The following NAALADL2 variants were observed in gnomAD, a reference collection of about 807,000 sequenced individuals.
NAALADL2 encodes inactive N-acetylated-alpha-linked acidic dipeptidase-like protein 2.
In NAALADL2, 76 loss-of-function variants were observed where a neutral mutation model predicts 87.2. The observed-to-expected ratio is 0.87, with a 90% CI of 0.72 to 1.05. The LOEUF (loss-of-function observed/expected upper bound fraction) is 1.05. Ranked by LOEUF, NAALADL2 falls within the 50% of genes least tolerant of loss-of-function variation. The pLI is 0.00. For synonymous variants in NAALADL2, 354 were observed against 331.0 expected, an observed-to-expected ratio of 1.07 and a Z score of -0.75; for missense variants, 1,089 against 945.8, an observed-to-expected ratio of 1.15 and a Z score of -1.99.
intron 2 of NAALADL2, among the ~76,000 whole-genome samples, chr3:174,594,194 G>T (rs1024989407): frequency 1.3e-5 from 2 of 151,904 alleles, no homozygotes; most frequent in Admixed American, 1.3e-4. Flanking sequence ...ATATACTTTG[G>T]CATAATAATA....
chr3:175,596,179 A>C (rs1157504877), intron 10 of NAALADL2, among the ~76,000 whole-genome samples: 1 of 152,078 alleles, frequency 6.6e-6, no homozygotes, highest in African/African-American at 2.4e-5. Context: ...TGTTCCAGTT[A>C]GCTGAGTTCA....
chr3:175,079,922 A>C (rs570868093), intron 1 of NAALADL2, among the ~76,000 whole-genome samples: 2 of 152,082 alleles, frequency 1.3e-5, no homozygotes, highest in Non-Finnish European at 2.9e-5. Flanking sequence ...CAAATATAAG[A>C]ATTGCCATAC....
intron 2 of NAALADL2, among the ~76,000 whole-genome samples, chr3:175,131,955 C>A (rs1368582494): frequency 1.7e-5 from 2 of 116,462 alleles, no homozygotes; most frequent in Non-Finnish European, 3.6e-5. Flanking sequence ...CGGGCAGAGG[C>A]GCCCCTCACC....
Position 175,217,498 on chromosome 3 carries a change from A to G in NAALADL2, c.546-16433A>G, listed in dbSNP as rs1049164158. On this transcript the variant is annotated intron_variant, in intron 2 of 13. Coordinates refer to ENST00000454872, the MANE Select transcript of NAALADL2 (RefSeq NM_207015.3). The stretch of plus-strand genomic sequence containing the variant: ...CATGATTTAGTTTGGAAATAGTTGC[A>G]TATATTTTTAAAGACTCTAAAAATA... Among the ~76,000 whole-genome samples the G allele has an allele frequency of 2.6e-5, 4 of 152,366 alleles. No individual in the cohort carries two copies. In the East Asian group the frequency reaches 5.8e-4, roughly 22 times the overall value.
chr3:175,304,557 T>C (rs146643039), intron 4 of NAALADL2, among the ~76,000 whole-genome samples: 43 of 152,298 alleles, frequency 2.8e-4, no homozygotes, highest in African/African-American at 9.6e-4. Context: ...TAAAGGCCTT[T>C]CCTGTGGCAG....
At chr3:174,465,406 T>C (rs1466623755) in intron 1 of NAALADL2, among the ~76,000 whole-genome samples, 1 of 152,244 alleles carries the variant, frequency 6.6e-6, no homozygotes, top group Admixed American at 6.5e-5. Context: ...TATTCACTTA[T>C]GTTTACTGAA....
chr3:174,665,010 T>G (rs1216633145), intron 2 of NAALADL2, among the ~76,000 whole-genome samples: 2 of 152,226 alleles, frequency 1.3e-5, no homozygotes, highest in Non-Finnish European at 1.5e-5. Flanking sequence ...GCTTGCTGTT[T>G]TTCATTTTCT....
chr3:175,797,406 G>A (rs1229840271), intron 13 of NAALADL2, among the ~76,000 whole-genome samples: 1 of 152,062 alleles, frequency 6.6e-6, no homozygotes, highest in Non-Finnish European at 1.5e-5. Context: ...GTGATTTATT[G>A]AATTAGATCT....
chr3:174,486,455 T>C (rs1717866007), intron 1 of NAALADL2, among the ~76,000 whole-genome samples: 1 of 152,038 alleles, frequency 6.6e-6, no homozygotes, highest in Non-Finnish European at 1.5e-5. Context: ...ATTGACCCTC[T>C]TAAAATTTGT....
chr3:174,532,441 T>C (rs1721331323), intron 1 of NAALADL2, among the ~76,000 whole-genome samples: 1 of 151,726 alleles, frequency 6.6e-6, no homozygotes, highest in Non-Finnish European at 1.5e-5. Context: ...AGGGGGAGGG[T>C]ATGGAAATTG....
intron 2 of NAALADL2, among the ~76,000 whole-genome samples, chr3:174,635,881 T>C (rs1353368276): frequency 6.6e-6 from 1 of 152,226 alleles, no homozygotes; most frequent in Non-Finnish European, 1.5e-5. Flanking sequence ...ATTGATGACA[T>C]TTTTATATGT....
At chr3:175,089,298 AC>A (rs1719640332) in intron 1 of NAALADL2, among the ~76,000 whole-genome samples, 1 of 152,120 alleles carries the variant, frequency 6.6e-6, no homozygotes, top group Non-Finnish European at 1.5e-5. Flanking sequence ...TGGTACCATA[AC>A]CAGGGATTAA....
At chr3:174,780,918 G>A (rs1031209959) in intron 3 of NAALADL2, among the ~76,000 whole-genome samples, 4 of 151,916 alleles carry the variant, frequency 2.6e-5, no homozygotes, top group East Asian at 1.9e-4. Flanking sequence ...GGCTGGTACC[G>A]GTTTTTCCTT....
intron 1 of NAALADL2, among the ~76,000 whole-genome samples, chr3:174,984,579 GATT>G (rs755287971): frequency 2.6e-5 from 4 of 152,266 alleles, no homozygotes; most frequent in Non-Finnish European, 5.9e-5. Context: ...ATCTTTAGCT[GATT>G]CTGATGCATG....
chr3:175,435,808 G>A (rs1172537768), intron 5 of NAALADL2, among the ~76,000 whole-genome samples: 4 of 151,140 alleles, frequency 2.6e-5, no homozygotes, highest in African/African-American at 9.7e-5. Flanking sequence ...AATTGGAAAG[G>A]AAGACCCAAA....
chr3:174,634,674 TA>T (rs1722459094), intron 2 of NAALADL2, among the ~76,000 whole-genome samples: 1 of 152,186 alleles, frequency 6.6e-6, no homozygotes, highest in African/African-American at 2.4e-5. Context: ...GATGATAGGC[TA>T]AAGTGGACCA....
intron 1 of NAALADL2, chr3:174,458,407 A>G (rs1308535255): frequency 6.6e-6 from 1 of 152,210 alleles, no homozygotes; most frequent in Non-Finnish European, 1.5e-5. Flanking sequence ...TTGAAGTTAC[A>G]TTATGTATAT....
chr3:175,701,272 G>A (rs1028454139), intron 11 of NAALADL2, among the ~76,000 whole-genome samples: 1 of 152,130 alleles, frequency 6.6e-6, no homozygotes, highest in Non-Finnish European at 1.5e-5. Context: ...TTGGTCTTGT[G>A]TAGAAAGTGG....
chr3:174,871,789 C>T (rs150832975), intron 1 of NAALADL2, among the ~76,000 whole-genome samples: 3,966 of 152,206 alleles, frequency 0.026, 173 homozygotes, highest in African/African-American at 0.09. Context: ...GTCCCAGCTA[C>T]TTGGGAGGCT....
Sources: gnomAD v4.1 joint callset for allele counts (sites outside exome capture counted in the v4.1 genomes callset) on GRCh38, gnomAD v4.1.1 for gene constraint, MANE v1.5 for transcripts, NCBI Gene and HGNC (gene_info 2026-07-23, HGNC 2026-07-21) for gene names.